The following WARS1 variants were observed in gnomAD, a reference collection of about 807,000 sequenced individuals.
The protein encoded by WARS1 is tryptophan--tRNA ligase, cytoplasmic.
Under a neutral mutation model 47.8 loss-of-function variants are expected in WARS1, and 17 were observed. The observed-to-expected ratio is 0.36, with a 90% CI of 0.24 to 0.53. WARS1 has a LOEUF of 0.53. WARS1 is among the 20% of genes least tolerant of loss of function. The pLI, the probability that WARS1 is intolerant of heterozygous loss-of-function variation, is 0.91. For missense variants in WARS1, 434 were observed against 608.0 expected (o/e 0.71, Z 3.01); for synonymous variants, 208 against 228.1 (o/e 0.91, Z 0.79).
chr14:100,372,773 C>T (rs1896427022), intron 1 of WARS1, among the ~76,000 whole-genome samples: 2 of 152,194 alleles, frequency 1.3e-5, no homozygotes, highest in Non-Finnish European at 2.9e-5. Flanking sequence ...AGACAAGAGG[C>T]TGATGGCTCC....
rs530846206 is a variant in WARS1, at chr14:100,372,139, C to T, written c.-73-2881G>A. Among the ~76,000 whole-genome samples the T allele has an allele frequency of 9.2e-5, 14 of 152,178 alleles. No homozygotes were observed. In the East Asian group the frequency reaches 1.7e-3, roughly 19 times the overall value. On this transcript the variant is annotated intron_variant, in intron 1 of 10. Transcript: ENST00000392882. ...CTTTACCTACCCAAATCCTATAAAA[C>T]GGCCCCACTCCTATCTCCCTTCCAT...
chr14:100,361,670 AG>A, intron 3 of WARS1, 37 bp downstream of exon 3: 1 of 1,599,678 alleles, frequency 6.3e-7, no homozygotes, highest in Non-Finnish European at 8.6e-7. Flanking sequence ...CACTTCTAAA[AG>A]TTGCAGCTTT....
chr14:100,336,201 G>A (rs899061329), intron 10 of WARS1, among the ~76,000 whole-genome samples: 9 of 149,688 alleles, frequency 6.0e-5, no homozygotes, highest in Middle Eastern at 3.5e-3. Context: ...GTGTGAACCC[G>A]GGAGGCAGAG....
intron 4 of WARS1, among the ~76,000 whole-genome samples, chr14:100,356,729 T>C (rs150069318): frequency 3.6e-4 from 55 of 152,246 alleles, no homozygotes; most frequent in African/African-American, 1.2e-3. Flanking sequence ...AAAGAATTAA[T>C]ACCAATCCTT....
chr14:100,362,864 C>G (rs937926895), intron 2 of WARS1, among the ~76,000 whole-genome samples: 3 of 152,204 alleles, frequency 2.0e-5, no homozygotes, highest in Admixed American at 1.3e-4. Flanking sequence ...CACCAACCTC[C>G]ATTCAGAGAT....
At chr14:100,360,440 G>C (rs1895590208) in intron 4 of WARS1, 114 bp downstream of exon 4, 1 of 720,822 alleles carries the variant, frequency 1.4e-6, no homozygotes, top group African/African-American at 1.8e-5. Flanking sequence ...TCTTACCACA[G>C]CTGGCCATCA....
At chr14:100,353,492 C>T (rs189242781) in intron 6 of WARS1, among the ~76,000 whole-genome samples, 195 bp downstream of exon 6, 5 of 152,318 alleles carry the variant, frequency 3.3e-5, no homozygotes, top group East Asian at 1.9e-4. Context: ...TCGTGACCCG[C>T]CCACCTCGGC....
chr14:100,360,166 T>C (rs1324158581), intron 4 of WARS1, among the ~76,000 whole-genome samples: 2 of 152,282 alleles, frequency 1.3e-5, no homozygotes, highest in East Asian at 1.9e-4. Context: ...GTCAATACAA[T>C]AGGAGGAAGA....
intron 2 of WARS1, chr14:100,365,709 C>T (rs1396068549): frequency 2.2e-5 from 4 of 179,730 alleles, no homozygotes; most frequent in South Asian, 9.5e-5. Context: ...AAATCTACTA[C>T]AACAAAAGCA....
chr14:100,368,221 A>T (rs1896127267), intron 2 of WARS1, among the ~76,000 whole-genome samples: 1 of 152,242 alleles, frequency 6.6e-6, no homozygotes, highest in African/African-American at 2.4e-5. Flanking sequence ...TCATTGACAT[A>T]AAAAAGTCAA....
At chr14:100,360,420 T>G in intron 4 of WARS1, 134 bp downstream of exon 4, 3 of 589,650 alleles carry the variant, frequency 5.1e-6, no homozygotes, top group Non-Finnish European at 9.0e-6. Flanking sequence ...GGACAGAGGA[T>G]GGATCTCAGT....
chr14:100,336,889 G>C (rs1045954678), intron 10 of WARS1, 173 bp downstream of exon 10: 23 of 795,482 alleles, frequency 2.9e-5, no homozygotes, highest in Non-Finnish European at 4.2e-5. Context: ...TTGTTCATGA[G>C]GCTTCTGAGC....
chr14:100,361,617 A>T, intron 3 of WARS1, 91 bp downstream of exon 3: 1 of 1,341,876 alleles, frequency 7.5e-7, no homozygotes, highest in Non-Finnish European at 1.0e-6. Flanking sequence ...ATTTATGATT[A>T]ATTCAAAATT....
At chr14:100,354,865 C>T (rs1298416322) in intron 4 of WARS1, among the ~76,000 whole-genome samples, 1 of 152,214 alleles carries the variant, frequency 6.6e-6, no homozygotes, top group Non-Finnish European at 1.5e-5. Context: ...TGCCGACATA[C>T]TGTGAGCTTG....
At chr14:100,351,758 C>T (rs1475974883) in intron 6 of WARS1, among the ~76,000 whole-genome samples, 1 of 152,086 alleles carries the variant, frequency 6.6e-6, no homozygotes, top group Non-Finnish European at 1.5e-5. Flanking sequence ...CTTTGGGAGG[C>T]CGAGGCAGGC....
At chr14:100,357,230 G>A (rs1447446725) in intron 4 of WARS1, among the ~76,000 whole-genome samples, 1 of 152,056 alleles carries the variant, frequency 6.6e-6, no homozygotes, top group Non-Finnish European at 1.5e-5. Flanking sequence ...ATAAGACAAG[G>A]ATGCTCACTT....
chr14:100,368,523 C>T lies in WARS1; in HGVS notation c.99+564G>A. On this transcript the variant is annotated intron_variant, in intron 2 of 10. Coordinates refer to ENST00000392882, the MANE Select transcript of WARS1 (RefSeq NM_004184.4). The stretch of plus-strand genomic sequence containing the variant: ...AGAATATTTACAGATATGGGGAGTA[C>T]ATAACCAAAAGATCGGCTAAAAGAA... The T allele has an allele frequency of 1.1e-5, 5 of 455,310 alleles. 1 individual carries two copies. Among genetic ancestry groups the T allele is most frequent in the Middle Eastern group, 3.3e-4 (1 of 3,066 alleles). 28.2% of individuals were successfully genotyped at this position (455,310 alleles called of 1,614,324 possible).
intron 6 of WARS1, among the ~76,000 whole-genome samples, chr14:100,351,782 A>C (rs1894997255): frequency 6.6e-6 from 1 of 152,148 alleles, no homozygotes; most frequent in Non-Finnish European, 1.5e-5. Context: ...TCATGAGGTC[A>C]GAAGATCGAG....
rs59475595 is a variant in WARS1 at position 100,373,824 on chromosome 14, TTGTGTG to T, written c.-74+1453_-74+1458del. ...GGGAATCATCCACACTATTGAAATC[TTGTGTG>T]TGTGTGTGTGTGTGTGTGTGTGTGT... On this transcript the variant is annotated intron_variant, in intron 1 of 10. Coordinates refer to ENST00000392882, the MANE Select transcript of WARS1 (RefSeq NM_004184.4). The surrounding 1 kb of genome is among the most constrained non-coding windows in gnomAD (Gnocchi z 4.4). Among the ~76,000 whole-genome samples the T allele has an allele frequency of 0.34, 50,751 of 147,822 alleles. 9,939 individuals are homozygous for T. Among genetic ancestry groups the T allele is most frequent in the South Asian group, 0.6 (2,742 of 4,538 alleles).
Sources: gnomAD v4.1 joint callset for allele counts (sites outside exome capture counted in the v4.1 genomes callset) on GRCh38, gnomAD v4.1.1 for gene constraint, Gnocchi (gnomAD v3.1) non-coding constraint, MANE v1.5 for transcripts, NCBI Gene and HGNC (gene_info 2026-07-23, HGNC 2026-07-21) for gene names.